EPB41L2: variants seen among roughly 807,000 people sequenced by gnomAD.
The protein encoded by EPB41L2 is band 4.1-like protein 2.
In EPB41L2, 43 loss-of-function variants were observed where a neutral mutation model predicts 113.0. The ratio of observed to expected loss-of-function variants is 0.38; its 90% CI spans 0.30 to 0.49. The LOEUF is 0.49. Among genes scored for constraint, EPB41L2 ranks in the 20% least tolerant of loss-of-function variants. The probability of loss-of-function intolerance (pLI) is 0.95; values close to 1 mark genes in which losing one functional copy is unlikely to be tolerated. For synonymous variants in EPB41L2, 442 were observed against 436.7 expected (o/e 1.01, Z -0.15); for missense variants, 1,147 against 1,223.4 (o/e 0.94, Z 0.93).
At chr6:130,888,536 C>T (rs1476069375) in intron 11 of EPB41L2, among the ~76,000 whole-genome samples, 2 of 152,254 alleles carry the variant, frequency 1.3e-5, no homozygotes, top group Admixed American at 1.3e-4. Context: ...AAATGCTAAA[C>T]TTTGCAATAT....
At chr6:130,954,980 A>AT (rs932720822) in intron 3 of EPB41L2, 125 bp downstream of exon 3, 105 of 818,626 alleles carry the variant, frequency 1.3e-4, no homozygotes, top group African/African-American at 2.6e-4. Context: ...ACTTCAATGT[A>AT]TTTTTTTTAG....
intron 1 of EPB41L2, among the ~76,000 whole-genome samples, chr6:130,987,755 T>G (rs1425926192): frequency 6.6e-6 from 1 of 151,054 alleles, no homozygotes; most frequent in African/African-American, 2.4e-5. Flanking sequence ...GAAGAAAAAT[T>G]TAGGAGGCTA....
At chr6:130,987,860 C>A (rs911817719) in intron 1 of EPB41L2, among the ~76,000 whole-genome samples, 1 of 150,998 alleles carries the variant, frequency 6.6e-6, no homozygotes, top group South Asian at 2.1e-4. Context: ...CACCTATAAT[C>A]CCAATACTTT....
chr6:130,854,707 T>A (rs1177733467), intron 19 of EPB41L2, among the ~76,000 whole-genome samples: 1 of 152,240 alleles, frequency 6.6e-6, no homozygotes. Context: ...CACTCACTTT[T>A]CTCATTCATT....
At chr6:130,894,539 ATTC>A (rs2128486475) in intron 9 of EPB41L2, 98 bp from the exon 10 acceptor site, 3 of 1,069,366 alleles carry the variant, frequency 2.8e-6, no homozygotes, top group South Asian at 2.7e-5. Context: ...AGAAGCAATT[ATTC>A]TTCTCAAAAA....
intron 11 of EPB41L2, among the ~76,000 whole-genome samples, chr6:130,886,491 T>G (rs1020152887): frequency 6.6e-6 from 1 of 152,208 alleles, no homozygotes; most frequent in Non-Finnish European, 1.5e-5. Context: ...CCATTTCTAA[T>G]TCTACTACCT....
intron 1 of EPB41L2, among the ~76,000 whole-genome samples, chr6:130,992,469 G>T (rs927093034): frequency 6.6e-6 from 1 of 152,046 alleles, no homozygotes; most frequent in Admixed American, 6.5e-5. Context: ...ATCAATAATT[G>T]CACCTAATTC....
At chr6:131,045,754 T>G (rs942973644) in intron 1 of EPB41L2, among the ~76,000 whole-genome samples, 4 of 152,194 alleles carry the variant, frequency 2.6e-5, no homozygotes, top group African/African-American at 7.2e-5. Context: ...TCTGTATATC[T>G]GATAAGCAAT....
chr6:130,939,259 T>C (rs1406271071), intron 3 of EPB41L2, among the ~76,000 whole-genome samples: 17 of 148,602 alleles, frequency 1.1e-4, no homozygotes, highest in Admixed American at 1.1e-3. Flanking sequence ...CCAAATAACT[T>C]TTTTTTTTTT....
intron 10 of EPB41L2, 88 bp downstream of exon 10, chr6:130,894,256 G>A (rs1793877304): frequency 9.6e-7 from 1 of 1,038,494 alleles, no homozygotes; most frequent in South Asian, 1.3e-5. Flanking sequence ...CTGGGGTCAA[G>A]TGATCCTCCC....
chr6:131,059,122 T>C (rs1798178843), intron 1 of EPB41L2, among the ~76,000 whole-genome samples: 2 of 149,254 alleles, frequency 1.3e-5, no homozygotes, highest in South Asian at 4.3e-4. Flanking sequence ...AACTTTTTTT[T>C]TTTTTTTTTT....
chr6:130,839,952 T>A lies in EPB41L2; in HGVS notation c.*652A>T, dbSNP rs930623597. The A allele has an allele frequency of 2.6e-5, 4 of 152,178 alleles. No homozygotes were observed. The highest frequency in any genetic ancestry group is 9.6e-5 in the African/African-American group (4 of 41,452). 9.4% of individuals were successfully genotyped at this position (152,178 alleles called of 1,614,324 possible). On this transcript the variant is annotated 3_prime_UTR_variant, in exon 20 of 20. Coordinates refer to ENST00000337057, the MANE Select transcript of EPB41L2 (RefSeq NM_001431.4). ...TTCTCCAGTCCAGAGATTCTGACTC[T>A]CTACTAAAAGTAGAAAGTCACAGGA...
chr6:131,031,092 AAAAAAAAAAGTTTAT>A, intron 1 of EPB41L2, among the ~76,000 whole-genome samples: 1 of 150,086 alleles, frequency 6.7e-6, no homozygotes, highest in African/African-American at 2.4e-5. Context: ...AGCCTGTCTA[AAAAAAAAAAGTTTAT>A]AATGAATGGT....
chr6:131,030,383 C>T (rs1791896719), intron 1 of EPB41L2, among the ~76,000 whole-genome samples: 1 of 152,318 alleles, frequency 6.6e-6, no homozygotes, highest in Admixed American at 6.5e-5. Context: ...AAGTATTTCT[C>T]AACTGACTAA....
intron 1 of EPB41L2, among the ~76,000 whole-genome samples, chr6:131,038,079 C>T (rs140847153): frequency 3.3e-5 from 5 of 152,076 alleles, no homozygotes; most frequent in African/African-American, 9.6e-5. Flanking sequence ...TTTTATATTT[C>T]TTTTTATTTT....
At chr6:130,888,621 T>G (rs933684484) in intron 11 of EPB41L2, among the ~76,000 whole-genome samples, 110 of 152,286 alleles carry the variant, frequency 7.2e-4, no homozygotes, top group African/African-American at 2.6e-3. Flanking sequence ...ATCATTTCTC[T>G]CAGGGTACTA....
intron 1 of EPB41L2, among the ~76,000 whole-genome samples, chr6:131,026,062 G>C (rs1790794014): frequency 6.6e-6 from 1 of 152,170 alleles, no homozygotes; most frequent in South Asian, 2.1e-4. Flanking sequence ...TAAATCTGAA[G>C]AGTGGCCAGC....
intron 5 of EPB41L2, 130 bp from the exon 6 acceptor site, chr6:130,904,670 T>C: frequency 2.5e-6 from 1 of 393,526 alleles, no homozygotes; most frequent in Non-Finnish European, 4.5e-6. Flanking sequence ...AATTTTTTTA[T>C]TTAAATAAAA....
At chr6:130,910,075 A>T (rs914281459) in intron 4 of EPB41L2, among the ~76,000 whole-genome samples, 15 of 152,170 alleles carry the variant, frequency 9.9e-5, no homozygotes, top group South Asian at 4.1e-4. Context: ...AGCCAAGACA[A>T]TCCTAAACAA....
Sources: gnomAD v4.1 joint callset for allele counts (sites outside exome capture counted in the v4.1 genomes callset) on GRCh38, gnomAD v4.1.1 for gene constraint, MANE v1.5 for transcripts, NCBI Gene and HGNC (gene_info 2026-07-23, HGNC 2026-07-21) for gene names.